The following COBL variants were observed in gnomAD, a reference collection of about 807,000 sequenced individuals.
COBL encodes the protein cordon-bleu WH2 repeat protein, also known as protein cordon-bleu.
In COBL, 51 loss-of-function variants were observed where a neutral mutation model predicts 98.8. The observed-to-expected ratio is 0.52, with a 90% CI of 0.41 to 0.65. The LOEUF is 0.65. Ranked by LOEUF, COBL falls within the 30% of genes least tolerant of loss-of-function variation. The pLI, the probability that COBL is intolerant of heterozygous loss-of-function variation, is 0.00. For missense variants in COBL, 1,617 were observed against 1,617.5 expected (o/e 1.00, Z 0.01); for synonymous variants, 634 against 651.7 (o/e 0.97, Z 0.41).
chr7:51,094,488 T>A (rs536581679), intron 6 of COBL, among the ~76,000 whole-genome samples: 3 of 152,082 alleles, frequency 2.0e-5, no homozygotes, highest in Non-Finnish European at 4.4e-5. Context: ...CCCATAAATA[T>A]AAACAATTAT....
intron 7 of COBL, among the ~76,000 whole-genome samples, chr7:51,045,027 G>A (rs1268533840): frequency 6.6e-6 from 1 of 152,208 alleles, no homozygotes; most frequent in African/African-American, 2.4e-5. Context: ...ATGCAGTGAT[G>A]CTGGTCTGCT....
chr7:51,255,005 C>T (rs891018208), intron 1 of COBL, among the ~76,000 whole-genome samples: 6 of 152,136 alleles, frequency 3.9e-5, no homozygotes, highest in East Asian at 1.9e-4. Context: ...TTAAAAAGTA[C>T]GTTGTGGATA....
In COBL at chr7:51,043,580, C is replaced by T. The variant is rs780757590; in HGVS notation, c.1209G>A (p.Thr403=). Residue 403 remains threonine, a synonymous_variant, in exon 8 of 13, where the codon ACG becomes ACA. Transcript: ENST00000265136. ...SVGSCFASED[T]TEDSGVMSSP... ...AACTCATCACTCCTGAGTCCTCGGT[C>T]GTGTCCTCCGACGCAAAACAGCTGC... The T allele has an allele frequency of 2.4e-5, 38 of 1,614,204 alleles. No homozygotes were observed. In the Admixed American group the frequency reaches 3.5e-4, roughly 15 times the overall value.
chr7:51,158,972 G>A (rs542354409), intron 5 of COBL, among the ~76,000 whole-genome samples: 1 of 152,060 alleles, frequency 6.6e-6, no homozygotes, highest in Non-Finnish European at 1.5e-5. Flanking sequence ...CTGAGAAACA[G>A]CAGCCCCAAG....
At chr7:51,257,622 G>A (rs1424635284) in intron 1 of COBL, among the ~76,000 whole-genome samples, 2 of 151,534 alleles carry the variant, frequency 1.3e-5, no homozygotes, top group East Asian at 1.9e-4. Flanking sequence ...ACTTATTCTG[G>A]GATTATGTAT....
At chr7:51,127,323 C>A (rs150528115) in intron 6 of COBL, among the ~76,000 whole-genome samples, 1 of 152,330 alleles carries the variant, frequency 6.6e-6, no homozygotes, top group African/African-American at 2.4e-5. Flanking sequence ...ATGTGACAGA[C>A]ACCCAAGTCC....
chr7:51,226,574 G>A (rs1166150964), intron 1 of COBL, among the ~76,000 whole-genome samples: 2 of 152,274 alleles, frequency 1.3e-5, no homozygotes, highest in East Asian at 3.9e-4. Context: ...GAGTGAGTAA[G>A]TGAGTGAGTG....
intron 1 of COBL, among the ~76,000 whole-genome samples, chr7:51,226,184 T>C (rs1256301691): frequency 6.6e-6 from 1 of 152,190 alleles, no homozygotes. Context: ...CTGTTTACCA[T>C]GTTGGCTACT....
intron 8 of COBL, among the ~76,000 whole-genome samples, chr7:51,041,430 G>A (rs1245822979): frequency 6.7e-6 from 1 of 149,642 alleles, no homozygotes; most frequent in Non-Finnish European, 1.5e-5. Context: ...TCATTTTGGT[G>A]ACTGGCTTAT....
At chr7:51,082,724 G>A (rs1253086352) in intron 7 of COBL, among the ~76,000 whole-genome samples, 6 of 152,192 alleles carry the variant, frequency 3.9e-5, no homozygotes, top group African/African-American at 1.2e-4. Flanking sequence ...CAGATCACAC[G>A]ACGGCTGTGC....
intron 7 of COBL, among the ~76,000 whole-genome samples, chr7:51,049,564 T>C (rs1051739956): frequency 3.3e-5 from 5 of 151,998 alleles, no homozygotes; most frequent in Admixed American, 6.6e-5. Context: ...AATTTAAGAG[T>C]TGCGAAGGTG....
chr7:51,089,985 G>A (rs1157435620), intron 6 of COBL, among the ~76,000 whole-genome samples: 2 of 151,944 alleles, frequency 1.3e-5, no homozygotes, highest in African/African-American at 4.8e-5. Flanking sequence ...AAATTATTTG[G>A]TTTTGGCAAT....
At chr7:51,262,707 T>C (rs534723083) in intron 1 of COBL, among the ~76,000 whole-genome samples, 18 of 152,278 alleles carry the variant, frequency 1.2e-4, no homozygotes, top group African/African-American at 4.1e-4. Flanking sequence ...TGTGAAGACA[T>C]GCCAGTATTA....
At chr7:51,207,824 G>A (rs1290327459) in intron 2 of COBL, among the ~76,000 whole-genome samples, 7 of 152,196 alleles carry the variant, frequency 4.6e-5, no homozygotes, top group Non-Finnish European at 1.0e-4. Context: ...CCAAAGTGCC[G>A]AGATTGCAGC....
intron 5 of COBL, among the ~76,000 whole-genome samples, chr7:51,174,968 C>G (rs1485305935): frequency 6.6e-6 from 1 of 152,158 alleles, no homozygotes; most frequent in South Asian, 2.1e-4. Context: ...TCTCTCAGAC[C>G]CAGCTCTTGG....
intron 5 of COBL, among the ~76,000 whole-genome samples, chr7:51,175,930 T>C (rs1788330220): frequency 6.6e-6 from 1 of 152,242 alleles, no homozygotes; most frequent in African/African-American, 2.4e-5. Context: ...CACGTTTTCC[T>C]GCCTTTTGGC....
chr7:51,270,839 C>CAAA (rs113431445), intron 1 of COBL, among the ~76,000 whole-genome samples: 4 of 148,972 alleles, frequency 2.7e-5, no homozygotes, highest in East Asian at 2.0e-4. Context: ...AAATCAAAAC[C>CAAA]AAAAAAAAAC....
chr7:51,259,227 C>T (rs973194617), intron 1 of COBL, among the ~76,000 whole-genome samples: 22 of 146,862 alleles, frequency 1.5e-4, no homozygotes, highest in Admixed American at 9.0e-4. Flanking sequence ...GTGGAGGTTG[C>T]AGTGAGCCGA....
At chr7:51,082,210 T>C (rs1793721596) in intron 7 of COBL, among the ~76,000 whole-genome samples, 1 of 152,126 alleles carries the variant, frequency 6.6e-6, no homozygotes, top group African/African-American at 2.4e-5. Flanking sequence ...TGCACACTCA[T>C]GTGGGCACCA....
Sources: allele counts gnomAD v4.1 joint callset (sites outside exome capture counted in the v4.1 genomes callset), GRCh38; gene constraint gnomAD v4.1.1; transcripts MANE v1.5; gene names NCBI Gene and HGNC (gene_info 2026-07-23, HGNC 2026-07-21).